PSD3: variants seen among roughly 807,000 people sequenced by gnomAD.
The protein encoded by PSD3 is PH and SEC7 domain-containing protein 3.
Under a neutral mutation model 105.5 loss-of-function variants are expected in PSD3, and 49 were observed. The observed-to-expected ratio is 0.46, with a 90% CI of 0.37 to 0.59. The LOEUF is 0.59. PSD3 is among the 20% of genes least tolerant of loss of function. The pLI is 0.00. For missense variants in PSD3, 1,561 were observed against 1,263.8 expected, an observed-to-expected ratio of 1.24 and a Z score of -3.57; for synonymous variants, 557 against 457.8, an observed-to-expected ratio of 1.22 and a Z score of -2.77.
chr8:18,818,347 G>A (rs1393445684), intron 4 of PSD3, among the ~76,000 whole-genome samples: 1 of 151,334 alleles, frequency 6.6e-6, no homozygotes, highest in East Asian at 2.0e-4. Flanking sequence ...TTTAAAGTAG[G>A]GAGCTACTTT....
At chr8:18,665,493 T>G (rs998811557) in intron 9 of PSD3, among the ~76,000 whole-genome samples, 1 of 152,212 alleles carries the variant, frequency 6.6e-6, no homozygotes, top group Non-Finnish European at 1.5e-5. Flanking sequence ...GAAAGTAGTT[T>G]CCTGAGATGG....
chr8:18,693,568 A>G (rs1409642154), intron 9 of PSD3, among the ~76,000 whole-genome samples: 1 of 152,194 alleles, frequency 6.6e-6, no homozygotes, highest in African/African-American at 2.4e-5. Flanking sequence ...GCTGGAAACA[A>G]AGGTATAAGC....
chr8:18,589,471 A>G (rs1803438135), intron 12 of PSD3, among the ~76,000 whole-genome samples: 1 of 152,224 alleles, frequency 6.6e-6, no homozygotes, highest in Non-Finnish European at 1.5e-5. Context: ...TCCATGCTCC[A>G]ATATTCCTTA....
intron 15 of PSD3, among the ~76,000 whole-genome samples, chr8:18,547,749 T>C (rs183328675): frequency 9.2e-4 from 140 of 152,368 alleles, no homozygotes; most frequent in Non-Finnish European, 1.8e-4. Context: ...TTTGACAGTT[T>C]GATTATAATA....
At chr8:18,700,307 C>T (rs963932707) in intron 9 of PSD3, among the ~76,000 whole-genome samples, 4 of 152,024 alleles carry the variant, frequency 2.6e-5, no homozygotes, top group East Asian at 3.8e-4. Context: ...TTTATCATAT[C>T]GGTGGCCAAA....
Position 18,829,529 on chromosome 8 carries a change from G to C in PSD3, c.1635-24631C>G, listed in dbSNP as rs541535544. On this transcript the variant is annotated intron_variant, in intron 4 of 15. Transcript: ENST00000327040. ...AGATTTGCTGCGTTTGGCTGACCAAGTCTTGAGCCTCATTTCCCACTAAAT... is the reference window on the plus strand; with the variant it reads ...AGATTTGCTGCGTTTGGCTGACCAACTCTTGAGCCTCATTTCCCACTAAAT... Among the ~76,000 whole-genome samples, 50 of 152,290 alleles carry C rather than the reference G, an allele frequency of 3.3e-4. No individual in the cohort carries two copies. The South Asian group carries it at 9.1e-3, about 28-fold the overall frequency.
chr8:18,826,916 ATAT>A (rs1395320351), intron 4 of PSD3, among the ~76,000 whole-genome samples: 8 of 152,178 alleles, frequency 5.3e-5, no homozygotes, highest in Non-Finnish European at 8.8e-5. Context: ...TGGTATGATA[ATAT>A]TATCAGCTCA....
At chr8:18,614,957 T>G (rs1019762556) in intron 11 of PSD3, among the ~76,000 whole-genome samples, 2 of 152,170 alleles carry the variant, frequency 1.3e-5, no homozygotes, top group African/African-American at 4.8e-5. Flanking sequence ...AAAGTATATC[T>G]GACTGAAGGA....
At chr8:18,549,868 T>C (rs1209405813) in intron 15 of PSD3, among the ~76,000 whole-genome samples, 3 of 152,222 alleles carry the variant, frequency 2.0e-5, no homozygotes, top group African/African-American at 4.8e-5. Flanking sequence ...TTGCTGTTAA[T>C]GTGTCATTCT....
intron 1 of PSD3, among the ~76,000 whole-genome samples, chr8:18,960,957 G>A (rs192059620): frequency 7.6e-4 from 116 of 152,088 alleles, no homozygotes; most frequent in Middle Eastern, 3.4e-3. Context: ...GTGGCACTGA[G>A]CACCTGTATT....
At chr8:18,626,075 T>C (rs907683129) in intron 11 of PSD3, among the ~76,000 whole-genome samples, 1 of 152,138 alleles carries the variant, frequency 6.6e-6, no homozygotes, top group Non-Finnish European at 1.5e-5. Context: ...TTTCCCTTAA[T>C]GTCAGATTTA....
chr8:18,818,397 T>G (rs1353993265), intron 4 of PSD3, among the ~76,000 whole-genome samples: 1 of 152,126 alleles, frequency 6.6e-6, no homozygotes, highest in Non-Finnish European at 1.5e-5. Flanking sequence ...CTTTGCCCTT[T>G]GATTTCACAC....
intron 14 of PSD3, among the ~76,000 whole-genome samples, chr8:18,565,871 GGGGTC>G: frequency 6.6e-6 from 1 of 152,122 alleles, no homozygotes; most frequent in South Asian, 2.1e-4. Flanking sequence ...TTAGAACTGG[GGGGTC>G]CCTATTGGCA....
At chr8:18,577,371 C>A (rs1267627777) in intron 12 of PSD3, among the ~76,000 whole-genome samples, 2 of 151,852 alleles carry the variant, frequency 1.3e-5, no homozygotes, top group African/African-American at 2.4e-5. Flanking sequence ...AAAATTTATT[C>A]TTTGAGGAAT....
At chr8:18,552,249 G>T (rs909401706) in intron 15 of PSD3, among the ~76,000 whole-genome samples, 20 of 152,166 alleles carry the variant, frequency 1.3e-4, no homozygotes, top group African/African-American at 4.8e-4. Flanking sequence ...GCTTGGGCTG[G>T]TGTATCTTTT....
intron 15 of PSD3, among the ~76,000 whole-genome samples, chr8:18,542,553 A>G (rs1800211432): frequency 6.6e-6 from 1 of 152,206 alleles, no homozygotes; most frequent in East Asian, 1.9e-4. Context: ...TGTTTTAACT[A>G]ATATAATTTC....
At chr8:18,921,743 C>T (rs550381040) in intron 2 of PSD3, among the ~76,000 whole-genome samples, 7 of 152,274 alleles carry the variant, frequency 4.6e-5, no homozygotes, top group Non-Finnish European at 1.0e-4. Flanking sequence ...TAAAGTCATA[C>T]ACTATGTATG....
chr8:18,772,287 AT>A, intron 8 of PSD3, among the ~76,000 whole-genome samples: 1 of 152,148 alleles, frequency 6.6e-6, no homozygotes, highest in East Asian at 1.9e-4. Context: ...TATATTTCTC[AT>A]TTTTTTGTGG....
chr8:18,638,741 C>T (rs1418314508), intron 10 of PSD3, among the ~76,000 whole-genome samples: 1 of 151,896 alleles, frequency 6.6e-6, no homozygotes, highest in African/African-American at 2.4e-5. Flanking sequence ...AGAAAAAATA[C>T]TAAAATTTGT....
Sources: gnomAD v4.1 joint callset for allele counts (sites outside exome capture counted in the v4.1 genomes callset) on GRCh38, gnomAD v4.1.1 for gene constraint, MANE v1.5 for transcripts, NCBI Gene and HGNC (gene_info 2026-07-23, HGNC 2026-07-21) for gene names.